OTUD7A: variants seen among roughly 807,000 people sequenced by gnomAD.
The protein encoded by OTUD7A is OTU domain-containing protein 7A.
In OTUD7A, 12 loss-of-function variants were observed where a neutral mutation model predicts 65.7. That is an observed-to-expected ratio of 0.18 (90% confidence interval 0.12 to 0.30). The LOEUF (loss-of-function observed/expected upper bound fraction) is 0.30. Among genes scored for constraint, OTUD7A ranks in the 10% least tolerant of loss-of-function variants. The pLI is 1.00. For missense variants in OTUD7A, 1,148 were observed against 1,304.8 expected (o/e 0.88, Z 1.85); for synonymous variants, 641 against 586.3 (o/e 1.09, Z -1.35).
intron 1 of OTUD7A, among the ~76,000 whole-genome samples, chr15:31,831,476 C>T (rs1180288349): frequency 6.6e-6 from 1 of 152,144 alleles, no homozygotes; most frequent in Non-Finnish European, 1.5e-5. Context: ...ATGAGAACTG[C>T]GATGAAACCC....
intron 1 of OTUD7A, among the ~76,000 whole-genome samples, chr15:31,758,241 T>TCACA (rs145396893): frequency 2.0e-5 from 3 of 150,192 alleles, no homozygotes; most frequent in South Asian, 2.1e-4. Flanking sequence ...AACATGTCTG[T>TCACA]CACACACACA....
At chr15:31,768,838 T>C (rs540112152) in intron 1 of OTUD7A, among the ~76,000 whole-genome samples, 20 of 152,236 alleles carry the variant, frequency 1.3e-4, no homozygotes, top group African/African-American at 4.1e-4. Flanking sequence ...AGTATGAATA[T>C]TGTAATCTCT....
chr15:31,775,710 A>C (rs193141817), intron 1 of OTUD7A, among the ~76,000 whole-genome samples: 139 of 152,282 alleles, frequency 9.1e-4, no homozygotes, highest in Middle Eastern at 3.4e-3. Flanking sequence ...TAAGGGGAAA[A>C]GATTTGCTCC....
chr15:31,635,253 G>GGA (rs1480850468), intron 3 of OTUD7A, among the ~76,000 whole-genome samples: 6 of 152,108 alleles, frequency 3.9e-5, no homozygotes, highest in African/African-American at 1.4e-4. Flanking sequence ...TTTCCTCTTA[G>GGA]GAAAACCTGG....
At chr15:31,503,184 C>G (rs2041498674) in intron 9 of OTUD7A, among the ~76,000 whole-genome samples, 1 of 152,242 alleles carries the variant, frequency 6.6e-6, no homozygotes, top group East Asian at 1.9e-4. Flanking sequence ...GGGCTGTGCA[C>G]AGAGTGTGGC....
Position 31,570,050 on chromosome 15 carries a change from G to T in OTUD7A, c.299C>A (p.Pro100His), listed in dbSNP as rs777178630. The change falls in exon 4 of 13, where the codon CCC becomes CAC. Residue 100 changes from proline to histidine, a missense_variant. Transcript: ENST00000307050. Reference sequence around the variant, plus strand: ...AATGTCGTCCTGCCTCTGCAGGCAGGGTCGCTCCACCTTGTGCCCGGGCTG... The same window carrying T: ...AATGTCGTCCTGCCTCTGCAGGCAGTGTCGCTCCACCTTGTGCCCGGGCTG... Reference protein sequence around the residue: ...EPQPGHKVERPCLQRQDDIAQ... With the variant: ...EPQPGHKVERHCLQRQDDIAQ... The T allele has an allele frequency of 1.2e-6, 2 of 1,614,124 alleles. No individual in the cohort carries two copies. Among genetic ancestry groups the T allele is most frequent in the East Asian group, 4.5e-5 (2 of 44,882 alleles).
intron 1 of OTUD7A, among the ~76,000 whole-genome samples, chr15:31,753,708 ATATATATATATAT>A (rs1342894536): frequency 2.7e-5 from 3 of 110,480 alleles, no homozygotes; most frequent in African/African-American, 1.5e-4. Context: ...TATATTATAT[ATATATATATATAT>A]TATATATATA....
At chr15:31,553,986 C>A (rs772375821) in intron 5 of OTUD7A, among the ~76,000 whole-genome samples, 2 of 152,170 alleles carry the variant, frequency 1.3e-5, no homozygotes, top group Non-Finnish European at 2.9e-5. Flanking sequence ...GGCTCCCTAG[C>A]GCCCGGCTCC....
At chr15:31,549,407 G>A (rs1443366610) in intron 5 of OTUD7A, among the ~76,000 whole-genome samples, 2 of 152,230 alleles carry the variant, frequency 1.3e-5, no homozygotes, top group Admixed American at 6.5e-5. Flanking sequence ...CTCCTGGGGT[G>A]TACTCCTGTG....
intron 1 of OTUD7A, among the ~76,000 whole-genome samples, chr15:31,817,420 G>A (rs747961759): frequency 6.6e-6 from 1 of 152,020 alleles, no homozygotes; most frequent in Non-Finnish European, 1.5e-5. Flanking sequence ...CAGGAGATTA[G>A]GTGCCTTTTA....
intron 10 of OTUD7A, among the ~76,000 whole-genome samples, chr15:31,497,075 T>A (rs2041396799): frequency 6.6e-6 from 1 of 152,108 alleles, no homozygotes; most frequent in African/African-American, 2.4e-5. Context: ...ACCAGTGGAC[T>A]CCCTCAGGGC....
At chr15:31,692,910 C>T (rs1294725355) in intron 1 of OTUD7A, among the ~76,000 whole-genome samples, 18 of 150,348 alleles carry the variant, frequency 1.2e-4, no homozygotes, top group Non-Finnish European at 2.6e-4. Flanking sequence ...CCACCACTAA[C>T]AACCCTCACA....
At chr15:31,858,347 C>T (rs1392334398) in intron 1 of OTUD7A, among the ~76,000 whole-genome samples, 4 of 152,158 alleles carry the variant, frequency 2.6e-5, no homozygotes, top group Non-Finnish European at 5.9e-5. Context: ...TCTTGCTGTG[C>T]AGTGTGGCTA....
chr15:31,802,916 C>T (rs1247344706), intron 1 of OTUD7A, among the ~76,000 whole-genome samples: 4 of 152,174 alleles, frequency 2.6e-5, no homozygotes, highest in East Asian at 3.8e-4. Flanking sequence ...GTTTGTCAGG[C>T]TCCACAGTGA....
intron 1 of OTUD7A, among the ~76,000 whole-genome samples, chr15:31,668,359 T>C (rs1405872960): frequency 6.6e-6 from 1 of 152,224 alleles, no homozygotes; most frequent in Non-Finnish European, 1.5e-5. Flanking sequence ...TATTTTTTCT[T>C]TGTCTTTGTT....
intron 1 of OTUD7A, among the ~76,000 whole-genome samples, chr15:31,862,077 C>T (rs1041522992): frequency 1.3e-5 from 2 of 152,164 alleles, no homozygotes; most frequent in African/African-American, 4.8e-5. Flanking sequence ...ATGCCAAGAC[C>T]ACCCTCTCTG....
chr15:31,596,981 G>A (rs887539206), intron 3 of OTUD7A, among the ~76,000 whole-genome samples: 5 of 152,212 alleles, frequency 3.3e-5, no homozygotes, highest in African/African-American at 1.2e-4. Context: ...CTGGAGTGCA[G>A]TGGCATGATC....
chr15:31,747,687 A>C (rs1894517196), intron 1 of OTUD7A, among the ~76,000 whole-genome samples: 1 of 152,222 alleles, frequency 6.6e-6, no homozygotes, highest in African/African-American at 2.4e-5. Context: ...TTCATCAATG[A>C]GTGCTAAAGC....
chr15:31,846,247 GA>G (rs1402772036), intron 1 of OTUD7A, among the ~76,000 whole-genome samples: 3 of 152,220 alleles, frequency 2.0e-5, no homozygotes, highest in Admixed American at 6.5e-5. Context: ...ACTCTTTCCT[GA>G]GCGCTTTCCA....
Sources: gnomAD v4.1 joint callset for allele counts (sites outside exome capture counted in the v4.1 genomes callset) on GRCh38, gnomAD v4.1.1 for gene constraint, MANE v1.5 for transcripts, NCBI Gene and HGNC (gene_info 2026-07-23, HGNC 2026-07-21) for gene names.